The following MYOCD variants were observed in gnomAD, a reference collection of about 807,000 sequenced individuals.
The protein encoded by MYOCD is myocardin.
A neutral mutation model predicts 96.1 loss-of-function variants in MYOCD; 32 were observed. That is an observed-to-expected ratio of 0.33 (90% CI 0.25 to 0.45). MYOCD has a LOEUF of 0.45. Among genes scored for constraint, MYOCD ranks in the 20% least tolerant of loss-of-function variants. The pLI, the probability that MYOCD is intolerant of heterozygous loss-of-function variation, is 1.00. For missense variants in MYOCD, 1,133 were observed against 1,200.6 expected (o/e 0.94, Z 0.83); for synonymous variants, 469 against 469.0 (o/e 1.00, Z 0.00).
intron 7 of MYOCD, among the ~76,000 whole-genome samples, chr17:12,742,762 G>C (rs2032551116): frequency 6.6e-6 from 1 of 151,960 alleles, no homozygotes; most frequent in Non-Finnish European, 1.5e-5. Flanking sequence ...ACCAGAGACA[G>C]GGTTTCACCA....
At chr17:12,747,803 G>C (rs940775555) in intron 9 of MYOCD, among the ~76,000 whole-genome samples, 1 of 151,812 alleles carries the variant, frequency 6.6e-6, no homozygotes, top group Non-Finnish European at 1.5e-5. Context: ...AAAAGTCTTT[G>C]ATTTCTTTTT....
At chr17:12,697,303 G>A (rs1280133513) in intron 1 of MYOCD, among the ~76,000 whole-genome samples, 2 of 146,232 alleles carry the variant, frequency 1.4e-5, no homozygotes, top group Non-Finnish European at 3.0e-5. Flanking sequence ...CCAATTCGCT[G>A]AGGAATCTCA....
At chr17:12,721,996 A>G (rs2031854391) in intron 4 of MYOCD, among the ~76,000 whole-genome samples, 1 of 152,214 alleles carries the variant, frequency 6.6e-6, no homozygotes, top group Non-Finnish European at 1.5e-5. Context: ...GTTCTAGATC[A>G]GTGCCAGACA....
At position 12,684,437 on chromosome 17, in the gene MYOCD, C is replaced by T. The variant is rs545140500; in HGVS notation, c.55+18194C>T. Among the ~76,000 whole-genome samples the T allele has an allele frequency of 5.3e-5, 8 of 152,336 alleles. 1 individual carries two copies. The highest frequency in any genetic ancestry group is 1.7e-4 in the African/African-American group (7 of 41,572). The stretch of plus-strand genomic sequence containing the variant: ...CCTGTTACAGTGTTATCCCTTACCA[C>T]TCCCAAATAGGAACCTTTTCCTTGA... On this transcript the variant is annotated intron_variant, in intron 1 of 13. Transcript: ENST00000425538.
Position 12,722,120 on chromosome 17 carries a change from T to G in MYOCD, c.254-727T>G, listed in dbSNP as rs541364343. On this transcript the variant is annotated intron_variant, in intron 4 of 13. Transcript: ENST00000425538. ...TTGAGAGTGAAGGTGCAAACTCTTA[T>G]AGAATCTTAACTTACAGTTCTCCAT... Among the ~76,000 whole-genome samples the G allele has an allele frequency of 5.9e-5, 9 of 152,332 alleles. No individual in the cohort carries two copies. The East Asian group carries it at 1.5e-3, about 26-fold the overall frequency.
chr17:12,767,280 A>G lies in MYOCD; in HGVS notation c.*3636A>G, dbSNP rs1281454422. On this transcript the variant is annotated 3_prime_UTR_variant, in exon 14 of 14. Transcript: ENST00000425538. ...AACTGTCAGCCTTTTGCCATTCAAA[A>G]ACATTTATGTCCAACCTGAAAAAAA... 1.3e-5 allele frequency: 2 copies of G among 152,172 alleles called. No individual in the cohort carries two copies. The highest frequency in any genetic ancestry group is 2.9e-5 in the Non-Finnish European group (2 of 68,026). The allele number at this position is 152,172 out of a possible 1,614,324, so 9.4% of individuals were successfully genotyped here. A position where few individuals can be genotyped will look rare whatever the true frequency, so the allele number is the denominator to read the frequency against.
chr17:12,670,616 A>T (rs1336423485), intron 1 of MYOCD, among the ~76,000 whole-genome samples: 3 of 152,198 alleles, frequency 2.0e-5, no homozygotes, highest in African/African-American at 4.8e-5. Flanking sequence ...CTACAAGAGT[A>T]CCTTTCCCAT....
At chr17:12,696,450 G>C (rs1203204130) in intron 1 of MYOCD, among the ~76,000 whole-genome samples, 1 of 151,920 alleles carries the variant, frequency 6.6e-6, no homozygotes, top group Non-Finnish European at 1.5e-5. Context: ...TGAAATTGAT[G>C]GATCATACAG....
chr17:12,739,184 G>A lies in MYOCD; in HGVS notation c.592-19G>A, dbSNP rs114117995. The stretch of plus-strand genomic sequence containing the variant: ...CTTATTCCTGTATCTTCCTAATATC[G>A]GTAACATTTGGATTTCAGGATCTTG... On this transcript the variant is annotated intron_variant, in intron 6 of 13. Transcript: ENST00000425538. The A allele has an allele frequency of 2.4e-4, 375 of 1,595,506 alleles. 1 individual carries two copies. The African/African-American group carries it at 2.8e-3, about 12-fold the overall frequency.
intron 2 of MYOCD, among the ~76,000 whole-genome samples, chr17:12,708,398 C>CT (rs879670933): frequency 8.5e-4 from 124 of 146,092 alleles, no homozygotes; most frequent in South Asian, 1.1e-3. Context: ...AATAGAAATA[C>CT]TTTTTTTTTT....
rs1182706011 is a variant in MYOCD at position 12,756,460 on chromosome 17, C to G, written c.2105C>G (p.Ser702Cys). The change falls in exon 11 of 14, where the codon TCT (serine) becomes TGT (cysteine). Residue 702 changes from serine to cysteine, a missense_variant. Ser to Cys is a moderately radical substitution (Grantham distance 112). Coordinates refer to ENST00000425538, the MANE Select transcript of MYOCD (RefSeq NM_001146312.3). ...DGHPPSFSPH[S>C]SSLHPPFSGA... is the part of the protein sequence containing the mutation. ...CATCCTCCAAGCTTCTCTCCCCATT[C>G]TTCCAGCCTCCACCCGCCCTTCTCT... is the stretch of plus-strand genomic sequence containing the variant. 2 of 1,552,006 alleles carry G rather than the reference C, an allele frequency of 1.3e-6. No homozygotes were observed. Among genetic ancestry groups the G allele is most frequent in the Non-Finnish European group, 8.7e-7 (1 of 1,147,112 alleles).
intron 1 of MYOCD, among the ~76,000 whole-genome samples, chr17:12,699,213 T>G (rs2030936842): frequency 6.6e-6 from 1 of 151,894 alleles, no homozygotes; most frequent in African/African-American, 2.4e-5. Flanking sequence ...CAACCTCCGC[T>G]TCCCGGGTTC....
At chr17:12,727,593 C>T (rs1036107316) in intron 5 of MYOCD, among the ~76,000 whole-genome samples, 3 of 152,176 alleles carry the variant, frequency 2.0e-5, no homozygotes, top group Non-Finnish European at 4.4e-5. Flanking sequence ...TTTTCCAGCT[C>T]TCTCTGCAGC....
At chr17:12,672,343 G>A (rs1172024045) in intron 1 of MYOCD, among the ~76,000 whole-genome samples, 1 of 152,156 alleles carries the variant, frequency 6.6e-6, no homozygotes, top group Non-Finnish European at 1.5e-5. Flanking sequence ...CAACAACCAT[G>A]ACCATTAGCC....
rs1183062953 is a variant in MYOCD, at chr17:12,739,294, C to G, written c.683C>G (p.Pro228Arg). 8 of 1,608,286 alleles carry G rather than the reference C, an allele frequency of 5.0e-6. No homozygotes were observed. The highest frequency in any genetic ancestry group is 1.1e-5 in the South Asian group (1 of 89,690). The change falls in exon 7 of 14, where the codon CCC (proline) becomes CGC (arginine). Residue 228 changes from proline (P) to arginine (R), a missense_variant. By Grantham distance (103) the Pro-to-Arg change is moderately radical (BLOSUM62 -2). Transcript: ENST00000425538. ...SDAGKQGLGP[P>R]STPIAVHAAV... Reference sequence around the variant, plus strand: ...GCGGGGAAGCAGGGGCTTGGCCCCCCCAGCACCCCCATAGCCGTGCATGCT... The same window carrying G: ...GCGGGGAAGCAGGGGCTTGGCCCCCGCAGCACCCCCATAGCCGTGCATGCT...
rs566390743 is a variant in MYOCD, at chr17:12,670,323, A to G, written c.55+4080A>G. On this transcript the variant is annotated intron_variant, in intron 1 of 13. Coordinates refer to ENST00000425538, the MANE Select transcript of MYOCD (RefSeq NM_001146312.3). ...CTTGTCCTTTCAGAGAGGGCAAGGG[A>G]CATCTCAGCAAGACCCTGCAGTCAT... Among the ~76,000 whole-genome samples, 5 of 152,296 alleles carry G rather than the reference A, an allele frequency of 3.3e-5. No homozygotes were observed. In the South Asian group the frequency reaches 1.0e-3, roughly 32 times the overall value.
At position 12,768,267 on chromosome 17, in the gene MYOCD, G is replaced by C. The variant is rs2033391658; in HGVS notation, c.*4623G>C. ...TTTGATTCTAGAGTCCAGGTTTATA[G>C]AGAAACCCTGGCTAGATTGAGCCTA... is the stretch of plus-strand genomic sequence containing the variant. On this transcript the variant is annotated 3_prime_UTR_variant, in exon 14 of 14. Coordinates refer to ENST00000425538, the MANE Select transcript of MYOCD (RefSeq NM_001146312.3). 6.6e-6 allele frequency: 1 copy of C among 152,142 alleles called. No individual in the cohort carries two copies. The highest frequency in any genetic ancestry group is 2.1e-4 in the South Asian group (1 of 4,816). The allele number at this position is 152,142 out of a possible 1,614,324, so 9.4% of individuals were successfully genotyped here. A position where few individuals can be genotyped will look rare whatever the true frequency, so the allele number is the denominator to read the frequency against.
intron 1 of MYOCD, among the ~76,000 whole-genome samples, chr17:12,696,830 T>C (rs926873253): frequency 3.3e-5 from 5 of 152,210 alleles, no homozygotes; most frequent in African/African-American, 1.2e-4. Flanking sequence ...TGTTAGACAG[T>C]GCACAGGTGA....
At chr17:12,734,880 A>G (rs1310071130) in intron 5 of MYOCD, among the ~76,000 whole-genome samples, 1 of 134,812 alleles carries the variant, frequency 7.4e-6, no homozygotes, top group African/African-American at 2.6e-5. Flanking sequence ...TGGTAAAGCG[A>G]TAATGACTTT....
Sources: gnomAD v4.1 joint callset for allele counts (sites outside exome capture counted in the v4.1 genomes callset) on GRCh38, gnomAD v4.1.1 for gene constraint, MANE v1.5 for transcripts, NCBI Gene and HGNC (gene_info 2026-07-23, HGNC 2026-07-21) for gene names.